The following INPP4B variants were observed in gnomAD, a reference collection of about 807,000 sequenced individuals.
The protein encoded by INPP4B is inositol polyphosphate 4-phosphatase type II.
Under a neutral mutation model 122.5 loss-of-function variants are expected in INPP4B, and 55 were observed. The ratio of observed to expected loss-of-function variants is 0.45; its 90% confidence interval spans 0.36 to 0.56. The LOEUF (loss-of-function observed/expected upper bound fraction) is 0.56, where lower values mean the gene tolerates loss of function less well. Among genes scored for constraint, INPP4B ranks in the 20% least tolerant of loss-of-function variants. The probability of loss-of-function intolerance (pLI) is 0.00; values close to 1 mark genes in which losing one functional copy is unlikely to be tolerated. For missense variants in INPP4B, 1,000 were observed against 1,097.7 expected, an observed-to-expected ratio of 0.91 and a Z score of 1.26; for synonymous variants, 403 against 388.7, an observed-to-expected ratio of 1.04 and a Z score of -0.43.
intron 7 of INPP4B, among the ~76,000 whole-genome samples, chr4:142,390,263 A>G (rs559108994): frequency 1.3e-5 from 2 of 152,332 alleles, no homozygotes; most frequent in East Asian, 3.9e-4. Flanking sequence ...ATGTAATATT[A>G]GAAGATAATA....
intron 3 of INPP4B, among the ~76,000 whole-genome samples, chr4:142,459,057 G>A (rs1816146205): frequency 6.6e-6 from 1 of 152,196 alleles, no homozygotes; most frequent in Admixed American, 6.5e-5. Context: ...GGTGATCACA[G>A]CCTAAATTCA....
intron 1 of INPP4B, among the ~76,000 whole-genome samples, chr4:142,738,734 T>C (rs1465297301): frequency 1.3e-5 from 2 of 152,116 alleles, no homozygotes; most frequent in Non-Finnish European, 2.9e-5. Context: ...CAGTTGGAAA[T>C]AATATACAGA....
At chr4:142,682,872 G>A (rs148512634) in intron 2 of INPP4B, among the ~76,000 whole-genome samples, 37 of 151,868 alleles carry the variant, frequency 2.4e-4, no homozygotes, top group African/African-American at 8.2e-4. Flanking sequence ...GTATAAAAAC[G>A]GTACTTTAGC....
chr4:142,185,810 C>T (rs1407793028), intron 15 of INPP4B, among the ~76,000 whole-genome samples: 3 of 146,350 alleles, frequency 2.0e-5, no homozygotes, highest in Admixed American at 7.1e-5. Context: ...ACCTGAGAGG[C>T]GGAGCTTGCA....
chr4:142,525,208 A>G (rs1425331746), intron 2 of INPP4B, among the ~76,000 whole-genome samples: 1 of 152,042 alleles, frequency 6.6e-6, no homozygotes, highest in Non-Finnish European at 1.5e-5. Context: ...TTCAAGGAGA[A>G]CTACAAACCA....
At chr4:142,282,837 T>C (rs1431316642) in intron 9 of INPP4B, among the ~76,000 whole-genome samples, 1 of 152,018 alleles carries the variant, frequency 6.6e-6, no homozygotes, top group African/African-American at 2.4e-5. Context: ...GGGCGGGTGT[T>C]ATGTAGAGCA....
At chr4:142,615,621 T>C (rs1407847442) in intron 2 of INPP4B, among the ~76,000 whole-genome samples, 1 of 152,076 alleles carries the variant, frequency 6.6e-6, no homozygotes, top group Non-Finnish European at 1.5e-5. Flanking sequence ...GATCTCTATT[T>C]TTATTAATTT....
chr4:142,182,562 AAC>A (rs1313380044), intron 15 of INPP4B, among the ~76,000 whole-genome samples: 6,772 of 48,104 alleles, frequency 0.14, 853 homozygotes, highest in Non-Finnish European at 0.3. Flanking sequence ...AAAAAAAACA[AAC>A]AAAAAAAAGA....
intron 7 of INPP4B, among the ~76,000 whole-genome samples, chr4:142,332,811 T>C (rs1359007583): frequency 6.8e-6 from 1 of 147,286 alleles, no homozygotes; most frequent in Admixed American, 6.8e-5. Context: ...GAGACCAACC[T>C]GGCTAACAAG....
chr4:142,774,722 T>A (rs1193104579), intron 1 of INPP4B, among the ~76,000 whole-genome samples: 1 of 152,066 alleles, frequency 6.6e-6, no homozygotes, highest in Non-Finnish European at 1.5e-5. Flanking sequence ...TTTAAATGAG[T>A]TCCCTATTTT....
intron 2 of INPP4B, among the ~76,000 whole-genome samples, chr4:142,542,046 C>T (rs1829005772): frequency 6.6e-6 from 1 of 152,160 alleles, no homozygotes; most frequent in Non-Finnish European, 1.5e-5. Flanking sequence ...CCTGCAAGTT[C>T]CAGAGTGCAC....
chr4:142,065,959 G>A (rs336375), intron 25 of INPP4B, among the ~76,000 whole-genome samples: 130,243 of 152,132 alleles, frequency 0.86, 58,575 homozygotes, highest in Non-Finnish European at 0.98. Context: ...CTATCTGGAA[G>A]CTATCTGAAC....
chr4:142,616,989 A>G (rs1743838660), intron 2 of INPP4B, among the ~76,000 whole-genome samples: 1 of 152,238 alleles, frequency 6.6e-6, no homozygotes, highest in Non-Finnish European at 1.5e-5. Flanking sequence ...TATTGGGTAC[A>G]TTGTGCAGTA....
At chr4:142,838,479 G>GA (rs1254399323) in intron 1 of INPP4B, among the ~76,000 whole-genome samples, 1 of 151,166 alleles carries the variant, frequency 6.6e-6, no homozygotes, top group Admixed American at 6.6e-5. Context: ...TATAAAATAG[G>GA]AAAAAGGATA....
chr4:142,174,146 C>T (rs970052951), intron 15 of INPP4B, among the ~76,000 whole-genome samples: 18 of 152,008 alleles, frequency 1.2e-4, no homozygotes, highest in Admixed American at 1.1e-3. Flanking sequence ...ATTAGTATTA[C>T]TATTAATTCC....
chr4:142,145,780 T>C, intron 18 of INPP4B, 60 bp downstream of exon 18: 1 of 1,529,202 alleles, frequency 6.5e-7, no homozygotes, highest in East Asian at 2.2e-5. Context: ...TCATTTTTTT[T>C]TCACGAGTTT....
chr4:142,267,577 AG>A, intron 10 of INPP4B, among the ~76,000 whole-genome samples: 1 of 152,330 alleles, frequency 6.6e-6, no homozygotes, highest in Non-Finnish European at 1.5e-5. Context: ...ACTCAAAATG[AG>A]TTAAAGACTG....
At position 142,161,306 on chromosome 4, in the gene INPP4B, C is replaced by T. The variant is rs547142999; in HGVS notation, c.1360-745G>A. 4.6e-5 allele frequency among the ~76,000 whole-genome samples: 7 copies of T among 152,076 alleles called. No homozygotes were observed. The South Asian group carries it at 1.5e-3, about 32-fold the overall frequency. ...AACAATAAAGAACTTTACAGCTGTA[C>T]TTTGCAATTTCCTGATGAAATGTTT... is the stretch of plus-strand genomic sequence containing the variant. On this transcript the variant is annotated intron_variant, in intron 16 of 25. Transcript: ENST00000262992.
chr4:142,052,869 T>C (rs1755442543), intron 25 of INPP4B, among the ~76,000 whole-genome samples: 1 of 152,030 alleles, frequency 6.6e-6, no homozygotes, highest in South Asian at 2.1e-4. Flanking sequence ...GCTTGTCGAA[T>C]TCTACCTCTT....
Sources: allele counts gnomAD v4.1 joint callset (sites outside exome capture counted in the v4.1 genomes callset), GRCh38; gene constraint gnomAD v4.1.1; transcripts MANE v1.5; gene names NCBI Gene and HGNC (gene_info 2026-07-23, HGNC 2026-07-21).